Variants in LRRC7 observed in about 807,000 individuals in gnomAD.
LRRC7 encodes leucine-rich repeat-containing protein 7.
In LRRC7, 23 loss-of-function variants were observed where a neutral mutation model predicts 175.7. The observed-to-expected ratio is 0.13, with a 90% CI of 0.09 to 0.19. The LOEUF is 0.19. Among genes scored for constraint, LRRC7 ranks in the 10% least tolerant of loss-of-function variants. The pLI, the probability that LRRC7 is intolerant of heterozygous loss-of-function variation, is 1.00. For synonymous variants in LRRC7, 685 were observed against 680.9 expected (o/e 1.01, Z -0.09); for missense variants, 1,354 against 1,904.7 (o/e 0.71, Z 5.38).
At chr1:70,028,436 T>C in intron 18 of LRRC7, 65 bp downstream of exon 18, 1 of 1,372,440 alleles carries the variant, frequency 7.3e-7, no homozygotes, top group African/African-American at 1.5e-5. Context: ...AATATGTTTT[T>C]TAACTGAATA....
At chr1:69,649,151 C>T (rs1655417141) in intron 1 of LRRC7, among the ~76,000 whole-genome samples, 1 of 152,182 alleles carries the variant, frequency 6.6e-6, no homozygotes, top group South Asian at 2.1e-4. Flanking sequence ...CACTTCAGTA[C>T]CTGGCTTCAC....
chr1:69,648,998 A>G (rs939348284), intron 1 of LRRC7, among the ~76,000 whole-genome samples: 1 of 152,258 alleles, frequency 6.6e-6, no homozygotes, highest in African/African-American at 2.4e-5. Context: ...GAAAGTAATC[A>G]TGTGCTGACA....
chr1:69,939,135 A>T (rs1374417619), intron 8 of LRRC7, among the ~76,000 whole-genome samples: 1 of 150,808 alleles, frequency 6.6e-6, no homozygotes, highest in Admixed American at 6.6e-5. Context: ...GGAGTATGTC[A>T]ATTTCTGTAT....
chr1:69,570,064 A>G (rs1246167253), intron 1 of LRRC7, among the ~76,000 whole-genome samples: 1 of 152,116 alleles, frequency 6.6e-6, no homozygotes, highest in Non-Finnish European at 1.5e-5. Flanking sequence ...TTGTATCTGT[A>G]TATGTCGAAA....
intron 2 of LRRC7, among the ~76,000 whole-genome samples, chr1:69,720,281 A>G (rs1231105737): frequency 6.6e-6 from 1 of 151,490 alleles, no homozygotes; most frequent in Admixed American, 6.6e-5. Context: ...GCATTCTTAT[A>G]CTGTTCTTAT....
intron 1 of LRRC7, among the ~76,000 whole-genome samples, chr1:69,579,213 G>A (rs1646093378): frequency 6.6e-6 from 1 of 151,968 alleles, no homozygotes; most frequent in Non-Finnish European, 1.5e-5. Flanking sequence ...ACCCTAAAAT[G>A]TTTACTTGGG....
intron 18 of LRRC7, among the ~76,000 whole-genome samples, chr1:70,032,014 G>A (rs958871220): frequency 1.3e-5 from 2 of 152,068 alleles, no homozygotes; most frequent in Non-Finnish European, 2.9e-5. Context: ...GGCCAGGATG[G>A]TCTCGATCTC....
intron 8 of LRRC7, among the ~76,000 whole-genome samples, chr1:69,966,779 AG>A (rs1337046436): frequency 6.6e-6 from 1 of 152,222 alleles, no homozygotes; most frequent in African/African-American, 2.4e-5. Context: ...CAATTTAGAG[AG>A]CCGAGCAAAA....
intron 7 of LRRC7, among the ~76,000 whole-genome samples, chr1:69,845,567 A>G (rs1682265687): frequency 6.6e-6 from 1 of 152,026 alleles, no homozygotes; most frequent in South Asian, 2.1e-4. Flanking sequence ...ACTACCAGTT[A>G]TTATCAAAAT....
At chr1:69,721,283 A>G (rs924588696) in intron 2 of LRRC7, among the ~76,000 whole-genome samples, 1 of 151,874 alleles carries the variant, frequency 6.6e-6, no homozygotes, top group African/African-American at 2.4e-5. Context: ...TGTATATTCT[A>G]TGGGTTTGGA....
chr1:69,946,474 C>G (rs987832943), intron 8 of LRRC7, among the ~76,000 whole-genome samples: 2 of 151,952 alleles, frequency 1.3e-5, no homozygotes, highest in Non-Finnish European at 2.9e-5. Context: ...CTGGAATGTT[C>G]TAGCCATTGT....
chr1:69,783,107 T>C (rs1023771459), intron 3 of LRRC7, among the ~76,000 whole-genome samples: 5 of 152,228 alleles, frequency 3.3e-5, no homozygotes, highest in Non-Finnish European at 5.9e-5. Context: ...GTTGCCATTC[T>C]GAATATGCTT....
chr1:69,645,729 A>C (rs1654911573), intron 1 of LRRC7, among the ~76,000 whole-genome samples: 1 of 152,082 alleles, frequency 6.6e-6, no homozygotes, highest in African/African-American at 2.4e-5. Flanking sequence ...AGTGTATCCT[A>C]TAGGGCAGAG....
In LRRC7 at chr1:69,790,837, C is replaced by A. The variant is rs188869023; in HGVS notation, c.304-1206C>A. ...ATATCTAAGATATTGACAATTAATTCTACACTACATGAAGTGTTACGAATA... is the reference window on the plus strand; with the variant it reads ...ATATCTAAGATATTGACAATTAATTATACACTACATGAAGTGTTACGAATA... On this transcript the variant is annotated intron_variant, in intron 3 of 26. Coordinates refer to ENST00000651989, the MANE Select transcript of LRRC7 (RefSeq NM_001370785.2). Among the ~76,000 whole-genome samples, 546 of 152,068 alleles carry A rather than the reference C, an allele frequency of 3.6e-3. 4 individuals are homozygous for A. The highest frequency in any genetic ancestry group is 0.012 in the African/African-American group (515 of 41,532).
Position 69,696,045 on chromosome 1 carries a change from T to C in LRRC7, c.100+17567T>C, listed in dbSNP as rs528831961. ...AGTGGAGCTGCGGGAATTGGGCCAC[T>C]GCCCTCCAGACCCCTGAATGTTAGA... On this transcript the variant is annotated intron_variant, in intron 2 of 26. Coordinates refer to ENST00000651989, the MANE Select transcript of LRRC7 (RefSeq NM_001370785.2). Among the ~76,000 whole-genome samples the C allele has an allele frequency of 2.0e-3, 310 of 152,326 alleles. 5 individuals are homozygous for C. The highest frequency in any genetic ancestry group is 1.5e-3 in the Non-Finnish European group (105 of 68,026).
intron 1 of LRRC7, among the ~76,000 whole-genome samples, chr1:69,580,539 A>G (rs1243472597): frequency 6.6e-6 from 1 of 152,170 alleles, no homozygotes; most frequent in Non-Finnish European, 1.5e-5. Flanking sequence ...CCGATTTGTA[A>G]ACAAATCAAA....
chr1:69,568,780 G>A (rs1645607877), intron 1 of LRRC7, 139 bp downstream of exon 1: 1 of 534,372 alleles, frequency 1.9e-6, no homozygotes, highest in Non-Finnish European at 2.6e-6. Context: ...CGCTCGCGGG[G>A]AGCTGCTTGT....
intron 26 of LRRC7, among the ~76,000 whole-genome samples, chr1:70,118,757 A>G (rs1167957952): frequency 6.6e-6 from 1 of 152,092 alleles, no homozygotes; most frequent in African/African-American, 2.4e-5. Flanking sequence ...ATTAGACTAA[A>G]CCAACAGGTT....
At chr1:69,991,646 CCTT>C (rs1654451285) in intron 10 of LRRC7, among the ~76,000 whole-genome samples, 1 of 152,044 alleles carries the variant, frequency 6.6e-6, no homozygotes, top group Admixed American at 6.6e-5. Context: ...ATCGTGTCCT[CCTT>C]ATTTGGATCA....
Sources: gnomAD v4.1 joint callset for allele counts (sites outside exome capture counted in the v4.1 genomes callset) on GRCh38, gnomAD v4.1.1 for gene constraint, MANE v1.5 for transcripts, NCBI Gene and HGNC (gene_info 2026-07-23, HGNC 2026-07-21) for gene names.